The following TPCN1 variants were observed in gnomAD, a reference collection of about 807,000 sequenced individuals.
TPCN1 encodes the protein two pore channel protein 1.
A neutral mutation model predicts 108.8 loss-of-function variants in TPCN1; 52 were observed. The ratio of observed to expected loss-of-function variants is 0.48; its 90% confidence interval spans 0.38 to 0.60. The LOEUF (loss-of-function observed/expected upper bound fraction) is 0.60, where lower values mean the gene tolerates loss of function less well. Among genes scored for constraint, TPCN1 ranks in the 20% least tolerant of loss-of-function variants. The probability of loss-of-function intolerance (pLI) is 0.00; values close to 1 mark genes in which losing one functional copy is unlikely to be tolerated. For synonymous variants in TPCN1, 446 were observed against 433.7 expected (o/e 1.03, Z -0.35); for missense variants, 806 against 1,072.8 (o/e 0.75, Z 3.47).
chr12:113,270,160 C>T (rs1955432455), intron 7 of TPCN1, among the ~76,000 whole-genome samples: 1 of 151,984 alleles, frequency 6.6e-6, no homozygotes, highest in Non-Finnish European at 1.5e-5. Flanking sequence ...CGTGCCACTG[C>T]TTTCCAGCCT....
intron 10 of TPCN1, among the ~76,000 whole-genome samples, chr12:113,275,048 C>T (rs1270323137): frequency 6.6e-6 from 1 of 152,220 alleles, no homozygotes; most frequent in African/African-American, 2.4e-5. Flanking sequence ...TCACATCCGA[C>T]ACCAGGCTGT....
At chr12:113,292,857 G>A in intron 25 of TPCN1, 77 bp from the exon 26 acceptor site, 9 of 1,532,340 alleles carry the variant, frequency 5.9e-6, no homozygotes, top group Non-Finnish European at 7.1e-6. Flanking sequence ...GCGGAAGGGG[G>A]CAAGGAGGTA....
rs369826060 is a variant in TPCN1 at position 113,287,014 on chromosome 12, C to T, written c.1554C>T (p.Ala518=). ...NLFDFSVTVF[A]FLGLLALALN... ...TTGACTTCTCCGTGACAGTGTTCGC[C>T]TTCCTGGGACTGCTGGCGCTGGCCC... is the stretch of plus-strand genomic sequence containing the variant. The change falls in exon 19 of 28, where the codon GCC becomes GCT. Residue 518 remains alanine (A), a synonymous_variant. Coordinates refer to ENST00000335509, the MANE Select transcript of TPCN1 (RefSeq NM_017901.6). 1 of 1,613,798 alleles carries T rather than the reference C, an allele frequency of 6.2e-7. No homozygotes were observed. The highest frequency in any genetic ancestry group is 8.5e-7 in the Non-Finnish European group (1 of 1,179,988).
chr12:113,282,112 A>T (rs1955907972), intron 15 of TPCN1, among the ~76,000 whole-genome samples: 2 of 99,280 alleles, frequency 2.0e-5, no homozygotes, highest in Non-Finnish European at 3.9e-5. Context: ...TTTTTTTGAG[A>T]CAGAATTTCA....
At position 113,256,829 on chromosome 12, in the gene TPCN1, T is replaced by C. The variant is rs1954845986; in HGVS notation, c.113-3539T>C. The stretch of plus-strand genomic sequence containing the variant: ...TTATGACCAGGGGTTAGGCAAAGAT[T>C]TCTTAGATATGATATCAAAAGTATT... On this transcript the variant is annotated intron_variant, in intron 2 of 27. Coordinates refer to ENST00000335509, the MANE Select transcript of TPCN1 (RefSeq NM_017901.6). Among the ~76,000 whole-genome samples the C allele has an allele frequency of 2.0e-5, 3 of 152,360 alleles. 1 individual carries two copies. In the South Asian group the frequency reaches 6.2e-4, roughly 32 times the overall value.
rs973849301 is a variant in TPCN1 at position 113,269,897 on chromosome 12, G to A, written c.748+52G>A. ...TGCGCTGGAAAAGCAAGTTCACGGT[G>A]GATGAAAAATTATTTTGGGCCTGGC... is the stretch of plus-strand genomic sequence containing the variant. On this transcript the variant is annotated intron_variant, in intron 7 of 27. Transcript: ENST00000335509. This position sits in a 1 kb window ranked among gnomAD's most constrained non-coding sequence, Gnocchi z 5.0. 1.3e-6 allele frequency: 2 copies of A among 1,588,716 alleles called. No individual in the cohort carries two copies. Among genetic ancestry groups the A allele is most frequent in the Non-Finnish European group, 1.7e-6 (2 of 1,159,418 alleles).
At position 113,273,453 on chromosome 12, in the gene TPCN1, G is replaced by A. The variant is rs751167285; in HGVS notation, c.843-116G>A. The stretch of plus-strand genomic sequence containing the variant: ...CACGGAGCCCAGGGATGAGAGTAGG[G>A]GAACCAGGGTTGGAGGCTGGGAAGG... On this transcript the variant is annotated intron_variant, in intron 9 of 27. Coordinates refer to ENST00000335509, the MANE Select transcript of TPCN1 (RefSeq NM_017901.6). The surrounding 1 kb of genome is among the most constrained non-coding windows in gnomAD (Gnocchi z 4.0). 9.3e-5 allele frequency: 116 copies of A among 1,246,434 alleles called. No individual in the cohort carries two copies. The highest frequency in any genetic ancestry group is 1.9e-4 in the Middle Eastern group (1 of 5,336). The allele number at this position is 1,246,434 out of a possible 1,614,324, so 77.2% of individuals were successfully genotyped here.
chr12:113,246,677 C>T (rs187555632), intron 2 of TPCN1, among the ~76,000 whole-genome samples: 12 of 152,358 alleles, frequency 7.9e-5, no homozygotes, highest in East Asian at 1.9e-4. Context: ...CTGACAGCCC[C>T]GTGGTGAGGT....
intron 2 of TPCN1, among the ~76,000 whole-genome samples, chr12:113,256,209 T>G (rs1954825972): frequency 6.6e-6 from 1 of 152,160 alleles, no homozygotes; most frequent in Non-Finnish European, 1.5e-5. Context: ...ATTGATTGAT[T>G]GATTGGACTC....
intron 26 of TPCN1, 63 bp downstream of exon 26, chr12:113,293,136 C>A: frequency 6.2e-7 from 1 of 1,600,800 alleles, no homozygotes; most frequent in South Asian, 1.1e-5. Flanking sequence ...GGCATAATCC[C>A]TTCCCTCAGA....
rs1445557336 is a variant in TPCN1 at position 113,288,964 on chromosome 12, A to G, written c.1796+117A>G. 3.9e-6 allele frequency: 4 copies of G among 1,012,846 alleles called. No individual in the cohort carries two copies. Among genetic ancestry groups the G allele is most frequent in the South Asian group, 1.3e-5 (1 of 75,210 alleles). The allele number at this position is 1,012,846 out of a possible 1,614,324, so 62.7% of individuals were successfully genotyped here. On this transcript the variant is annotated intron_variant, in intron 21 of 27. Coordinates refer to ENST00000335509, the MANE Select transcript of TPCN1 (RefSeq NM_017901.6). This position sits in a 1 kb window ranked among gnomAD's most constrained non-coding sequence, Gnocchi z 4.8. ...CCTCGGGGATGTTCCTGTCTAAGCA[A>G]CCACCTTGCTTTGCTTTCAGGGCTT...
In TPCN1 at chr12:113,290,263, G is replaced by A. The variant is rs769203667; in HGVS notation, c.1912+20G>A. ...GCTTTGGTGAGTGGGAAAAATCACAGGGGGCACATTCCCTGGGGACCCCAC... is the reference window on the plus strand; with the variant it reads ...GCTTTGGTGAGTGGGAAAAATCACAAGGGGCACATTCCCTGGGGACCCCAC... On this transcript the variant is annotated intron_variant, in intron 22 of 27. Coordinates refer to ENST00000335509, the MANE Select transcript of TPCN1 (RefSeq NM_017901.6). 1.3e-5 allele frequency: 20 copies of A among 1,520,582 alleles called. No homozygotes were observed. Among genetic ancestry groups the A allele is most frequent in the Non-Finnish European group, 1.7e-5 (19 of 1,110,438 alleles). 94.2% of individuals were successfully genotyped at this position (1,520,582 alleles called of 1,614,324 possible). A position where few individuals can be genotyped will look rare whatever the true frequency, so the allele number is the denominator to read the frequency against.
rs888882931 is a variant in TPCN1, at chr12:113,232,512, C to T, written c.112+5548C>T. On this transcript the variant is annotated intron_variant, in intron 2 of 27. Transcript: ENST00000335509. The surrounding 1 kb of genome is among the most constrained non-coding windows in gnomAD (Gnocchi z 5.6). ...TGCGCTCCATCACTGATGTCTGTGC[C>T]GTGGCTCTGCCTCTGACCAGATGGC... is the stretch of plus-strand genomic sequence containing the variant. Among the ~76,000 whole-genome samples the T allele has an allele frequency of 7.2e-5, 11 of 152,356 alleles. No individual in the cohort carries two copies. The South Asian group carries it at 1.2e-3, about 17-fold the overall frequency.
In TPCN1 at chr12:113,276,881, A is replaced by G. The variant is rs764056093; in HGVS notation, c.943-38A>G. On this transcript the variant is annotated intron_variant, in intron 10 of 27. Transcript: ENST00000335509. ...CCTGCACTCCCTGCCCTAACCACTC[A>G]AGGTCCTGAGCTAGGGCTCTGTGCT... 6.1e-6 allele frequency: 9 copies of G among 1,470,066 alleles called. No individual in the cohort carries two copies. The African/African-American group carries it at 1.1e-4, about 18-fold the overall frequency. The allele number at this position is 1,470,066 out of a possible 1,614,324, so 91.1% of individuals were successfully genotyped here.
intron 2 of TPCN1, chr12:113,244,466 A>G (rs182462491): frequency 2.0e-6 from 2 of 985,360 alleles, no homozygotes; most frequent in Non-Finnish European, 2.4e-6. Flanking sequence ...ATTATCAGAA[A>G]GAGAAGGCCT....
Position 113,266,455 on chromosome 12 carries a change from C to T in TPCN1, c.414+99C>T. 3 of 1,469,476 alleles carry T rather than the reference C, an allele frequency of 2.0e-6. No individual in the cohort carries two copies. Among genetic ancestry groups the T allele is most frequent in the Non-Finnish European group, 2.8e-6 (3 of 1,082,006 alleles). The allele number at this position is 1,469,476 out of a possible 1,614,324, so 91.0% of individuals were successfully genotyped here. On this transcript the variant is annotated intron_variant, in intron 4 of 27. Transcript: ENST00000335509. The surrounding 1 kb of genome is among the most constrained non-coding windows in gnomAD (Gnocchi z 4.2). ...GAACATTCTGGGAGGGCAAACACTGCAAACGGACTTAAAACAGAGAGATAC... is the reference window on the plus strand; with the variant it reads ...GAACATTCTGGGAGGGCAAACACTGTAAACGGACTTAAAACAGAGAGATAC...
chr12:113,278,670 A>G, intron 13 of TPCN1, 102 bp from the exon 14 acceptor site: 1 of 900,932 alleles, frequency 1.1e-6, no homozygotes, highest in Non-Finnish European at 1.8e-6. Context: ...ATTGTTCCCC[A>G]GTTTAGCAGG....
chr12:113,273,766 T>A lies in TPCN1; in HGVS notation c.942+98T>A. 1.0e-6 allele frequency: 1 copy of A among 990,134 alleles called. No individual in the cohort carries two copies. The highest frequency in any genetic ancestry group is 1.6e-6 in the Non-Finnish European group (1 of 619,906). 61.3% of individuals were successfully genotyped at this position (990,134 alleles called of 1,614,324 possible). ...GGAGAAGTGGGGACTGTCTTCTGCC[T>A]CTCAGGGCAGAACGTTGGGGCAGGA... On this transcript the variant is annotated intron_variant, in intron 10 of 27. Coordinates refer to ENST00000335509, the MANE Select transcript of TPCN1 (RefSeq NM_017901.6). The surrounding 1 kb of genome is among the most constrained non-coding windows in gnomAD (Gnocchi z 4.0).
At position 113,266,123 on chromosome 12, in the gene TPCN1, C is replaced by CT; in HGVS notation, c.238-54dup. ...CTTTCCTCCCCTGCCCGCGGCTCCT[C>CT]TTTGGCGTTGGATGGGTCTCCAGGC... On this transcript the variant is annotated intron_variant, in intron 3 of 27. Coordinates refer to ENST00000335509, the MANE Select transcript of TPCN1 (RefSeq NM_017901.6). The surrounding 1 kb of genome is among the most constrained non-coding windows in gnomAD (Gnocchi z 4.2). 6.3e-7 allele frequency: 1 copy of CT among 1,592,744 alleles called. No homozygotes were observed. Among genetic ancestry groups the CT allele is most frequent in the Non-Finnish European group, 8.6e-7 (1 of 1,165,798 alleles).
Sources: allele counts gnomAD v4.1 joint callset (sites outside exome capture counted in the v4.1 genomes callset), GRCh38; gene constraint gnomAD v4.1.1; non-coding constraint Gnocchi (gnomAD v3.1); transcripts MANE v1.5; gene names NCBI Gene and HGNC (gene_info 2026-07-23, HGNC 2026-07-21).